The following SLC25A16 variants were observed in gnomAD, a reference collection of about 807,000 sequenced individuals.
SLC25A16 encodes mitochondrial coenzyme A transporter SLC25A16.
Under a neutral mutation model 41.5 loss-of-function variants are expected in SLC25A16, and 39 were observed. The ratio of observed to expected loss-of-function variants is 0.94; its 90% CI spans 0.73 to 1.23. The LOEUF is 1.23. Ranked by LOEUF, SLC25A16 falls within the 50% of genes most tolerant of loss-of-function variation. The pLI is 0.00. For synonymous variants in SLC25A16, 146 were observed against 147.8 expected (o/e 0.99, Z 0.09); for missense variants, 421 against 426.9 (o/e 0.99, Z 0.12).
intron 1 of SLC25A16, among the ~76,000 whole-genome samples, chr10:68,518,798 T>TA (rs2053203139): frequency 1.5e-5 from 2 of 129,374 alleles, no homozygotes; most frequent in African/African-American, 6.1e-5. Flanking sequence ...AATAAATAAA[T>TA]AAATAAATAA....
At chr10:68,496,232 A>G (rs957011033) in intron 4 of SLC25A16, among the ~76,000 whole-genome samples, 1 of 152,206 alleles carries the variant, frequency 6.6e-6, no homozygotes, top group Non-Finnish European at 1.5e-5. Flanking sequence ...GTGGGAATTC[A>G]GCTTGCCTGC....
chr10:68,504,677 CTTGTTTT>C (rs199655424), intron 3 of SLC25A16, among the ~76,000 whole-genome samples: 1,660 of 150,430 alleles, frequency 0.011, 23 homozygotes, highest in African/African-American at 0.039. Context: ...CGCACCCGGC[CTTGTTTT>C]TTGTTTTTTG....
Position 68,488,639 on chromosome 10 carries a change from A to G in SLC25A16, c.611-10T>C. 6.2e-7 allele frequency: 1 copy of G among 1,608,738 alleles called. No homozygotes were observed. On this transcript the variant is annotated splice_polypyrimidine_tract_variant and intron_variant, in intron 6 of 8. Transcript: ENST00000609923. The stretch of plus-strand genomic sequence containing the variant: ...GTAAAAAATGAAACACCTGAAAAAC[A>G]AAAAATAAATTCACCATGATGCTTA...
Position 68,504,442 on chromosome 10 carries a change from G to GTT in SLC25A16, c.358-749_358-748dup, listed in dbSNP as rs557634249. 4.5e-3 allele frequency among the ~76,000 whole-genome samples: 645 copies of GTT among 143,378 alleles called. 3 individuals carry two copies. The highest frequency in any genetic ancestry group is 0.015 in the African/African-American group (575 of 39,056). 94.1% of individuals were successfully genotyped at this position (143,378 alleles called of 152,430 possible). A position where few individuals can be genotyped will look rare whatever the true frequency, so the allele number is the denominator to read the frequency against. On this transcript the variant is annotated intron_variant, in intron 3 of 8. Transcript: ENST00000609923. ...GATCTCTGCTGCTTGTGTTTTTTTT[G>GTT]TTTTTTTTTTTGAGACAGAGTCTGG...
Position 68,483,206 on chromosome 10 carries a change from C to G in SLC25A16, c.*226G>C. The G allele has an allele frequency of 2.8e-6, 1 of 363,048 alleles. No individual in the cohort carries two copies. Among genetic ancestry groups the G allele is most frequent in the Non-Finnish European group, 4.9e-6 (1 of 203,264 alleles). 22.5% of individuals were successfully genotyped at this position (363,048 alleles called of 1,614,324 possible). On this transcript the variant is annotated 3_prime_UTR_variant, in exon 9 of 9. Coordinates refer to ENST00000609923, the MANE Select transcript of SLC25A16 (RefSeq NM_152707.4). ...TTTAAAGCGGTTTAGCCAGCATCAG[C>G]TTAGGAATATTTTCTTCAATGTTCT...
intron 4 of SLC25A16, among the ~76,000 whole-genome samples, chr10:68,494,872 T>G: frequency 7.2e-6 from 1 of 139,106 alleles, no homozygotes. Context: ...AGAGTAAAAC[T>G]GCATCTAAAA....
intron 1 of SLC25A16, among the ~76,000 whole-genome samples, chr10:68,525,278 G>A (rs925187955): frequency 1.3e-5 from 2 of 151,988 alleles, no homozygotes; most frequent in Non-Finnish European, 2.9e-5. Context: ...TGGGATTACA[G>A]GCGAGTGCCA....
At chr10:68,514,360 G>A (rs1415244398) in intron 2 of SLC25A16, among the ~76,000 whole-genome samples, 2 of 152,088 alleles carry the variant, frequency 1.3e-5, no homozygotes, top group Non-Finnish European at 2.9e-5. Context: ...GCCGGGCGTG[G>A]TGGTGCACGC....
intron 2 of SLC25A16, among the ~76,000 whole-genome samples, chr10:68,507,455 A>G (rs9414974): frequency 0.082 from 12,401 of 152,120 alleles, 772 homozygotes; most frequent in African/African-American, 0.17. Context: ...TTGTTTACAT[A>G]AAGAGATTTT....
intron 8 of SLC25A16, among the ~76,000 whole-genome samples, chr10:68,486,506 T>C (rs894539433): frequency 2.0e-5 from 3 of 151,780 alleles, no homozygotes; most frequent in African/African-American, 4.8e-5. Context: ...CCCTAGTAGA[T>C]GGGATTACAG....
intron 7 of SLC25A16, among the ~76,000 whole-genome samples, chr10:68,488,107 C>G (rs1346449857): frequency 6.6e-6 from 1 of 152,110 alleles, no homozygotes; most frequent in African/African-American, 2.4e-5. Flanking sequence ...GCCTAAGCCT[C>G]CCAAACTGCT....
At chr10:68,497,775 C>G (rs984997859) in intron 4 of SLC25A16, among the ~76,000 whole-genome samples, 1 of 151,902 alleles carries the variant, frequency 6.6e-6, no homozygotes, top group African/African-American at 2.4e-5. Context: ...CGTCAAGACA[C>G]CTGCCTAATT....
chr10:68,518,798 T>C (rs1053462299), intron 1 of SLC25A16, among the ~76,000 whole-genome samples: 1 of 129,374 alleles, frequency 7.7e-6, no homozygotes, highest in Non-Finnish European at 1.6e-5. Context: ...AATAAATAAA[T>C]AAATAAATAA....
At chr10:68,505,435 T>A (rs893848187) in intron 3 of SLC25A16, among the ~76,000 whole-genome samples, 3 of 152,178 alleles carry the variant, frequency 2.0e-5, no homozygotes, top group African/African-American at 7.2e-5. Context: ...TTTATTATTA[T>A]CTTCTTTAAA....
intron 1 of SLC25A16, among the ~76,000 whole-genome samples, chr10:68,522,016 T>C (rs1362948835): frequency 1.3e-5 from 2 of 151,770 alleles, no homozygotes; most frequent in African/African-American, 4.8e-5. Context: ...AAAAATGAGC[T>C]GGGCGTGATG....
intron 6 of SLC25A16, among the ~76,000 whole-genome samples, chr10:68,491,520 G>C (rs568289075): frequency 2.6e-5 from 4 of 151,456 alleles, no homozygotes; most frequent in Admixed American, 2.6e-4. Context: ...CCACCGCACC[G>C]GCCCTTGTTG....
At chr10:68,513,927 TG>T (rs2053114226) in intron 2 of SLC25A16, among the ~76,000 whole-genome samples, 1 of 152,116 alleles carries the variant, frequency 6.6e-6, no homozygotes, top group African/African-American at 2.4e-5. Context: ...CCGGGAGCAG[TG>T]GCTCATGCCT....
rs779292837 is a variant in SLC25A16, at chr10:68,483,284, T to C, written c.*148A>G. 4.9e-5 allele frequency: 28 copies of C among 571,954 alleles called. No individual in the cohort carries two copies. The highest frequency in any genetic ancestry group is 8.2e-5 in the Non-Finnish European group (27 of 330,172). 35.4% of individuals were successfully genotyped at this position (571,954 alleles called of 1,614,324 possible). A position where few individuals can be genotyped will look rare whatever the true frequency, so the allele number is the denominator to read the frequency against. On this transcript the variant is annotated 3_prime_UTR_variant, in exon 9 of 9. Transcript: ENST00000609923. ...ATGGTAAGCAGTTCTGATTTGTGAC[T>C]AAAGAAAAAATAATCAAGTACTAAA...
chr10:68,510,151 C>T (rs2053035592), intron 2 of SLC25A16, among the ~76,000 whole-genome samples: 1 of 152,112 alleles, frequency 6.6e-6, no homozygotes, highest in Admixed American at 6.6e-5. Flanking sequence ...AGTAATGTGA[C>T]ACTTTTTATA....
Sources: allele counts gnomAD v4.1 joint callset (sites outside exome capture counted in the v4.1 genomes callset), GRCh38; gene constraint gnomAD v4.1.1; transcripts MANE v1.5; gene names NCBI Gene and HGNC (gene_info 2026-07-23, HGNC 2026-07-21).